Variants in HCRTR2 observed in about 807,000 individuals in gnomAD.
The protein encoded by HCRTR2 is hypocretin receptor 2.
A neutral mutation model predicts 49.0 loss-of-function variants in HCRTR2; 22 were observed. That is an observed-to-expected ratio of 0.45 (90% confidence interval 0.32 to 0.64). The LOEUF is 0.64. Ranked by LOEUF, HCRTR2 falls within the 30% of genes least tolerant of loss-of-function variation. The pLI is 0.04. For synonymous variants in HCRTR2, 236 were observed against 205.3 expected, an observed-to-expected ratio of 1.15 and a Z score of -1.28; for missense variants, 491 against 559.4, an observed-to-expected ratio of 0.88 and a Z score of 1.23.
At chr6:55,246,840 C>A (rs1227988128) in intron 1 of HCRTR2, among the ~76,000 whole-genome samples, 1 of 152,026 alleles carries the variant, frequency 6.6e-6, no homozygotes, top group Non-Finnish European at 1.5e-5. Flanking sequence ...CAAGGCACAG[C>A]ACATAGTAAT....
chr6:55,276,611 A>C (rs190076088), intron 4 of HCRTR2, among the ~76,000 whole-genome samples: 347 of 152,338 alleles, frequency 2.3e-3, no homozygotes, highest in African/African-American at 8.0e-3. Flanking sequence ...TACAATTAAG[A>C]GAATATTGTA....
intron 6 of HCRTR2, among the ~76,000 whole-genome samples, chr6:55,281,631 A>G (rs1767192397): frequency 6.6e-6 from 1 of 152,232 alleles, no homozygotes; most frequent in Non-Finnish European, 1.5e-5. Context: ...ATTCATTCTC[A>G]TAGTTCTCCA....
intron 1 of HCRTR2, among the ~76,000 whole-genome samples, chr6:55,227,283 A>G (rs1209695924): frequency 6.6e-6 from 1 of 152,132 alleles, no homozygotes; most frequent in Non-Finnish European, 1.5e-5. Flanking sequence ...GGTTATTTTG[A>G]TTACTTTTTC....
chr6:55,249,130 T>G (rs756454044), intron 2 of HCRTR2, among the ~76,000 whole-genome samples: 8 of 152,058 alleles, frequency 5.3e-5, no homozygotes, highest in Non-Finnish European at 1.2e-4. Context: ...AAAGTTTGAT[T>G]TTGCGCAAAC....
intron 1 of HCRTR2, among the ~76,000 whole-genome samples, chr6:55,202,115 A>G (rs906709683): frequency 1.3e-5 from 2 of 152,232 alleles, no homozygotes; most frequent in East Asian, 1.9e-4. Context: ...AAAGAAGAGA[A>G]TAGAAAAAAC....
intron 1 of HCRTR2, among the ~76,000 whole-genome samples, chr6:55,127,130 T>A (rs1764290727): frequency 6.6e-6 from 1 of 152,152 alleles, no homozygotes; most frequent in African/African-American, 2.4e-5. Flanking sequence ...AAAAAAAAAT[T>A]TCTGCAGCTA....
chr6:55,156,564 C>T (rs1285692509), intron 1 of HCRTR2, among the ~76,000 whole-genome samples: 3 of 151,670 alleles, frequency 2.0e-5, no homozygotes, highest in Admixed American at 2.0e-4. Context: ...CTCTTTCTCT[C>T]TCTCTGAGAC....
intron 1 of HCRTR2, among the ~76,000 whole-genome samples, chr6:55,145,888 C>T: frequency 6.6e-6 from 1 of 151,976 alleles, no homozygotes; most frequent in South Asian, 2.1e-4. Context: ...TAGAATAATC[C>T]TACATTTCTA....
At chr6:55,249,148 A>G (rs547642205) in intron 2 of HCRTR2, among the ~76,000 whole-genome samples, 40 of 152,178 alleles carry the variant, frequency 2.6e-4, no homozygotes, top group Non-Finnish European at 5.3e-4. Context: ...AACTTTTTTG[A>G]TTCCTAATTT....
At chr6:55,201,612 G>A (rs904640116) in intron 1 of HCRTR2, among the ~76,000 whole-genome samples, 10 of 151,954 alleles carry the variant, frequency 6.6e-5, no homozygotes, top group African/African-American at 1.4e-4. Context: ...TTTTCCTTAC[G>A]TAGCTACATT....
At chr6:55,271,254 T>C (rs914577648) in intron 4 of HCRTR2, among the ~76,000 whole-genome samples, 3 of 152,148 alleles carry the variant, frequency 2.0e-5, no homozygotes, top group African/African-American at 4.8e-5. Context: ...TTATGATTAA[T>C]TGAGTATTGA....
chr6:55,179,531 G>T (rs150994332), intron 1 of HCRTR2, among the ~76,000 whole-genome samples: 12 of 152,046 alleles, frequency 7.9e-5, no homozygotes, highest in Non-Finnish European at 1.5e-5. Context: ...CTTTTAAGAT[G>T]GCTATTTCAT....
chr6:55,245,465 GATTTTATATAT>G (rs2127309259), intron 1 of HCRTR2, among the ~76,000 whole-genome samples: 1 of 76,704 alleles, frequency 1.3e-5, no homozygotes, highest in Admixed American at 1.9e-4. Flanking sequence ...TACATAGGAA[GATTTTATATAT>G]ATATATATAT....
At chr6:55,172,263 T>C (rs1764961627), upstream of HCRTR2, among the ~76,000 whole-genome samples, 1 of 152,208 alleles carries the variant, frequency 6.6e-6, no homozygotes, top group South Asian at 2.1e-4. Context: ...TAGAGCCTTT[T>C]TGAACAATCA....
At chr6:55,188,659 G>A (rs1188237635) in intron 1 of HCRTR2, among the ~76,000 whole-genome samples, 1 of 152,142 alleles carries the variant, frequency 6.6e-6, no homozygotes, top group African/African-American at 2.4e-5. Context: ...TGTGTAATCT[G>A]TTCTATTACA....
intron 3 of HCRTR2, among the ~76,000 whole-genome samples, chr6:55,256,273 G>C (rs1195352359): frequency 6.6e-6 from 1 of 152,068 alleles, no homozygotes; most frequent in African/African-American, 2.4e-5. Context: ...GATATTTAGA[G>C]AATTCATATG....
intron 1 of HCRTR2, among the ~76,000 whole-genome samples, chr6:55,240,045 G>A (rs1244041927): frequency 6.6e-6 from 1 of 151,880 alleles, no homozygotes; most frequent in East Asian, 2.0e-4. Flanking sequence ...CCAAAGTGCC[G>A]GGATTACAGG....
chr6:55,280,968 C>T (rs1341383321), intron 6 of HCRTR2, among the ~76,000 whole-genome samples: 2 of 152,138 alleles, frequency 1.3e-5, no homozygotes, highest in Non-Finnish European at 2.9e-5. Flanking sequence ...TACACACATA[C>T]ATATATGTGT....
intron 1 of HCRTR2, among the ~76,000 whole-genome samples, chr6:55,119,179 G>A (rs1275757437): frequency 2.0e-5 from 3 of 151,996 alleles, no homozygotes; most frequent in South Asian, 4.2e-4. Context: ...TCTTTATTCA[G>A]TCTATCATTG....
Sources: allele counts gnomAD v4.1 joint callset (sites outside exome capture counted in the v4.1 genomes callset), GRCh38; gene constraint gnomAD v4.1.1; transcripts MANE v1.5; gene names NCBI Gene and HGNC (gene_info 2026-07-23, HGNC 2026-07-21).